NOL4L: variants seen among roughly 807,000 people sequenced by gnomAD.
The protein encoded by NOL4L is nucleolar protein 4-like.
Under a neutral mutation model 64.5 loss-of-function variants are expected in NOL4L, and 7 were observed. The ratio of observed to expected loss-of-function variants is 0.11; its 90% CI spans 0.06 to 0.20. NOL4L has a LOEUF of 0.20. NOL4L is among the 10% of genes least tolerant of loss of function. The pLI is 1.00. For missense variants in NOL4L, 680 were observed against 967.1 expected (o/e 0.70, Z 3.94); for synonymous variants, 413 against 401.0 (o/e 1.03, Z -0.36).
chr20:32,581,837 C>G (rs140265977), intron 1 of NOL4L: 2,180 of 152,450 alleles, frequency 0.014, 17 homozygotes, highest in Middle Eastern at 0.02. Context: ...AAAAACCCAC[C>G]GAGGACCAAA....
intron 1 of NOL4L, among the ~76,000 whole-genome samples, chr20:32,564,482 G>A (rs1402309169): frequency 1.3e-5 from 2 of 152,178 alleles, no homozygotes; most frequent in East Asian, 1.9e-4. Flanking sequence ...AGCCCATCTC[G>A]CTGCTGAGCT....
chr20:32,536,412 C>T lies in NOL4L; in HGVS notation c.322-8499G>A, dbSNP rs1408156701. On this transcript the variant is annotated intron_variant, in intron 1 of 10. Coordinates refer to ENST00000621426, the MANE Select transcript of NOL4L (RefSeq NM_001256798.2). ...GCTGGAGGGGGAGGGGAGTGGGCCG[C>T]GCTAATGACTGTTGACAGCGCGCGC... 14 of 657,056 alleles carry T rather than the reference C, an allele frequency of 2.1e-5. No homozygotes were observed. The African/African-American group carries it at 2.8e-4, about 13-fold the overall frequency. 40.7% of individuals were successfully genotyped at this position (657,056 alleles called of 1,614,324 possible).
rs764328984 is a variant in NOL4L, at chr20:32,443,969, G to A, written c.*3627C>T. ...GTTTTTCAGCCAATCTGAGTTCTAC[G>A]TGGTATAGGTTTTTTGTTGTATTTT... On this transcript the variant is annotated 3_prime_UTR_variant, in exon 11 of 11. Coordinates refer to ENST00000621426, the MANE Select transcript of NOL4L (RefSeq NM_001256798.2). 10 of 152,222 alleles carry A rather than the reference G, an allele frequency of 6.6e-5. No individual in the cohort carries two copies. Among genetic ancestry groups the A allele is most frequent in the African/African-American group, 2.4e-4 (10 of 41,454 alleles). The allele number at this position is 152,222 out of a possible 1,614,324, so 9.4% of individuals were successfully genotyped here.
chr20:32,528,014 G>T, intron 1 of NOL4L, 101 bp from the exon 2 acceptor site: 2 of 581,584 alleles, frequency 3.4e-6, no homozygotes, highest in African/African-American at 1.9e-5. Context: ...CAATGCCTCC[G>T]ACAGTGGGTC....
chr20:32,558,466 G>C (rs990697723), intron 1 of NOL4L, among the ~76,000 whole-genome samples: 1 of 152,216 alleles, frequency 6.6e-6, no homozygotes, highest in Non-Finnish European at 1.5e-5. Flanking sequence ...CCAGCACCCT[G>C]AATGAGACTA....
In NOL4L at chr20:32,576,469, G is replaced by C. The variant is rs538751720; in HGVS notation, c.321+8101C>G. Among the ~76,000 whole-genome samples, 25 of 152,336 alleles carry C rather than the reference G, an allele frequency of 1.6e-4. 1 individual carries two copies. Among genetic ancestry groups the C allele is most frequent in the Admixed American group, 1.6e-3 (24 of 15,306 alleles). ...AGGGGAAGGCTGCAGCTGCTGTACA[G>C]GAAGGGCAGCGAGGAAGTGAATAAA... On this transcript the variant is annotated intron_variant, in intron 1 of 10. Coordinates refer to ENST00000621426, the MANE Select transcript of NOL4L (RefSeq NM_001256798.2).
Position 32,464,962 on chromosome 20 carries a change from C to T in NOL4L, c.842-8567G>A. 1.8e-6 allele frequency: 1 copy of T among 552,724 alleles called. No individual in the cohort carries two copies. The highest frequency in any genetic ancestry group is 3.3e-6 in the Non-Finnish European group (1 of 304,004). 34.2% of individuals were successfully genotyped at this position (552,724 alleles called of 1,614,324 possible). A position where few individuals can be genotyped will look rare whatever the true frequency, so the allele number is the denominator to read the frequency against. On this transcript the variant is annotated intron_variant, in intron 5 of 10. Coordinates refer to ENST00000621426, the MANE Select transcript of NOL4L (RefSeq NM_001256798.2). The surrounding 1 kb of genome is among the most constrained non-coding windows in gnomAD (Gnocchi z 5.6). Reference sequence around the variant, plus strand: ...GCCTTTTCCAAGGCTCAGTAGCCGTCCTTGGCTAATGAATTAGACGTCACA... The same window carrying T: ...GCCTTTTCCAAGGCTCAGTAGCCGTTCTTGGCTAATGAATTAGACGTCACA...
chr20:32,481,684 G>A (rs2015723471), intron 4 of NOL4L, among the ~76,000 whole-genome samples: 1 of 152,214 alleles, frequency 6.6e-6, no homozygotes, highest in Non-Finnish European at 1.5e-5. Flanking sequence ...GCCTGAGCCT[G>A]GATTAGACAG....
In NOL4L at chr20:32,531,448, G is replaced by A. The variant is rs190875322; in HGVS notation, c.322-3535C>T. ...GCTCACTGCAACCTCTGGCTCCTGG[G>A]TTCAAACGATTCTCCTGCCTCGGCC... On this transcript the variant is annotated intron_variant, in intron 1 of 10. Coordinates refer to ENST00000621426, the MANE Select transcript of NOL4L (RefSeq NM_001256798.2). 9.2e-5 allele frequency among the ~76,000 whole-genome samples: 14 copies of A among 151,784 alleles called. No individual in the cohort carries two copies. In the East Asian group the frequency reaches 2.7e-3, roughly 29 times the overall value.
chr20:32,468,359 C>A (rs2014725647), intron 5 of NOL4L, among the ~76,000 whole-genome samples: 1 of 152,166 alleles, frequency 6.6e-6, no homozygotes, highest in Non-Finnish European at 1.5e-5. Flanking sequence ...ACCCAAGAAA[C>A]CCTCAATCCT....
intron 1 of NOL4L, among the ~76,000 whole-genome samples, chr20:32,565,543 C>A (rs1249887110): frequency 6.6e-6 from 1 of 152,196 alleles, no homozygotes; most frequent in Non-Finnish European, 1.5e-5. Context: ...TGAACCAGGA[C>A]AGCCTGGTCT....
At position 32,446,183 on chromosome 20, in the gene NOL4L, G is replaced by A. The variant is rs2145414485; in HGVS notation, c.*1413C>T. The stretch of plus-strand genomic sequence containing the variant: ...CTGCTGAGGTCTGGGCGAGTCCCTG[G>A]TTTAGCAGCACTGGTAGGTATTGCA... On this transcript the variant is annotated 3_prime_UTR_variant, in exon 11 of 11. Transcript: ENST00000621426. 6.6e-6 allele frequency: 1 copy of A among 152,486 alleles called. No homozygotes were observed. Among genetic ancestry groups the A allele is most frequent in the South Asian group, 2.1e-4 (1 of 4,824 alleles). 9.4% of individuals were successfully genotyped at this position (152,486 alleles called of 1,614,324 possible).
intron 1 of NOL4L, among the ~76,000 whole-genome samples, chr20:32,576,958 G>A (rs558595638): frequency 5.9e-5 from 9 of 152,180 alleles, no homozygotes; most frequent in African/African-American, 1.2e-4. Context: ...CTTCACTCCC[G>A]GGGGTCCTCC....
At chr20:32,568,812 C>A (rs555948681) in intron 1 of NOL4L, among the ~76,000 whole-genome samples, 3 of 152,312 alleles carry the variant, frequency 2.0e-5, no homozygotes, top group African/African-American at 4.8e-5. Context: ...CGTCCTGGAA[C>A]TGGAGGAGCC....
At chr20:32,568,048 G>GTCACCATCA (rs937221401) in intron 1 of NOL4L, among the ~76,000 whole-genome samples, 1 of 150,678 alleles carries the variant, frequency 6.6e-6, no homozygotes, top group South Asian at 2.1e-4. Flanking sequence ...CAACATTATC[G>GTCACCATCA]TCACCATCAT....
chr20:32,476,198 GACACACACACACAC>G (rs1167969757), intron 4 of NOL4L, among the ~76,000 whole-genome samples: 11 of 141,084 alleles, frequency 7.8e-5, no homozygotes, highest in East Asian at 4.3e-4. Context: ...CACCCGGAGG[GACACACACACACAC>G]ACACACACAC....
At position 32,489,889 on chromosome 20, in the gene NOL4L, G is replaced by A. The variant is rs184275055; in HGVS notation, c.700-15147C>T. ...CACGCCTGTAATCCCAGCATTTTGC[G>A]AAGCCGAGGTGGGCAGATCACTTCA... On this transcript the variant is annotated intron_variant, in intron 4 of 10. Transcript: ENST00000621426. 2.2e-3 allele frequency among the ~76,000 whole-genome samples: 335 copies of A among 151,980 alleles called. 4 individuals carry two copies. Among genetic ancestry groups the A allele is most frequent in the African/African-American group, 7.7e-3 (319 of 41,446 alleles).
chr20:32,541,728 G>A (rs531099456), intron 1 of NOL4L, among the ~76,000 whole-genome samples: 3 of 152,384 alleles, frequency 2.0e-5, no homozygotes, highest in South Asian at 2.1e-4. Context: ...CGGCACCCGC[G>A]CTGAGCTGGC....
intron 1 of NOL4L, among the ~76,000 whole-genome samples, chr20:32,549,670 T>C (rs1031077190): frequency 6.6e-6 from 1 of 152,134 alleles, no homozygotes; most frequent in Non-Finnish European, 1.5e-5. Flanking sequence ...GGAGAATCAC[T>C]TGAACCAGGG....
Sources: allele counts gnomAD v4.1 joint callset (sites outside exome capture counted in the v4.1 genomes callset), GRCh38; gene constraint gnomAD v4.1.1; non-coding constraint Gnocchi (gnomAD v3.1); transcripts MANE v1.5; gene names NCBI Gene and HGNC (gene_info 2026-07-23, HGNC 2026-07-21).